MFSD2A: variants seen among roughly 807,000 people sequenced by gnomAD.
MFSD2A encodes the protein sodium-dependent lysophosphatidylcholine symporter 1.
A neutral mutation model predicts 64.7 loss-of-function variants in MFSD2A; 27 were observed. That is an observed-to-expected ratio of 0.42 (90% CI 0.31 to 0.58). MFSD2A has a LOEUF of 0.58. Ranked by LOEUF, MFSD2A falls within the 20% of genes least tolerant of loss-of-function variation. The probability of loss-of-function intolerance (pLI) is 0.18; values close to 1 mark genes in which losing one functional copy is unlikely to be tolerated. For synonymous variants in MFSD2A, 258 were observed against 273.4 expected (o/e 0.94, Z 0.55); for missense variants, 474 against 679.5 (o/e 0.70, Z 3.36).
Position 39,955,430 on chromosome 1 carries a change from G to GT in MFSD2A, c.93+45_93+46insT. 1 of 1,498,020 alleles carries GT rather than the reference G, an allele frequency of 6.7e-7. No individual in the cohort carries two copies. Among genetic ancestry groups the GT allele is most frequent in the Admixed American group, 2.3e-5 (1 of 43,606 alleles). 92.8% of individuals were successfully genotyped at this position (1,498,020 alleles called of 1,614,324 possible). A position where few individuals can be genotyped will look rare whatever the true frequency, so the allele number is the denominator to read the frequency against. The stretch of plus-strand genomic sequence containing the variant: ...CGTGGAGGGCGAGGGGAGGGAGGAG[G>GT]CGGAAATGGGGGATCAGGGGCGTCC... On this transcript the variant is annotated intron_variant, in intron 1 of 13. Transcript: ENST00000372811. This position sits in a 1 kb window ranked among gnomAD's most constrained non-coding sequence, Gnocchi z 5.9.
At position 39,965,042 on chromosome 1, in the gene MFSD2A, T is replaced by C. The variant is rs764362828; in HGVS notation, c.354-169T>C. On this transcript the variant is annotated intron_variant, in intron 3 of 13. Coordinates refer to ENST00000372811, the MANE Select transcript of MFSD2A (RefSeq NM_032793.5). This position sits in a 1 kb window ranked among gnomAD's most constrained non-coding sequence, Gnocchi z 5.5. ...CCATCTGCCATTCCGGGCTTGGTCA[T>C]CAGCCTCTTCCCAGAGGCCCAGGAT... 2.5e-5 allele frequency: 22 copies of C among 880,548 alleles called. No homozygotes were observed. Among genetic ancestry groups the C allele is most frequent in the Non-Finnish European group, 3.6e-5 (21 of 590,916 alleles). 54.5% of individuals were successfully genotyped at this position (880,548 alleles called of 1,614,324 possible). A position where few individuals can be genotyped will look rare whatever the true frequency, so the allele number is the denominator to read the frequency against.
At position 39,963,438 on chromosome 1, in the gene MFSD2A, C is replaced by G. The variant is rs1570249100; in HGVS notation, c.354-1773C>G. On this transcript the variant is annotated intron_variant, in intron 3 of 13. Transcript: ENST00000372811. The surrounding 1 kb of genome is among the most constrained non-coding windows in gnomAD (Gnocchi z 4.2). Reference sequence around the variant, plus strand: ...TACAAGAGAAGTAAAGTGAATTAAGCCTGTTAAAAAAAAAATGTTTACGAG... The same window carrying G: ...TACAAGAGAAGTAAAGTGAATTAAGGCTGTTAAAAAAAAAATGTTTACGAG... The G allele has an allele frequency of 3.0e-5, 17 of 562,250 alleles. 1 individual carries two copies. The South Asian group carries it at 4.3e-4, about 14-fold the overall frequency. 34.8% of individuals were successfully genotyped at this position (562,250 alleles called of 1,614,324 possible). A position where few individuals can be genotyped will look rare whatever the true frequency, so the allele number is the denominator to read the frequency against.
Position 39,967,393 on chromosome 1 carries a change from G to A in MFSD2A, c.1011+224G>A, listed in dbSNP as rs1427200365. ...GTGAGCACAGCAAAAGCAAGGGCGA[G>A]GACACCAGGAACTTGGCTCAGAGGT... On this transcript the variant is annotated intron_variant, in intron 9 of 13. Transcript: ENST00000372811. 4.8e-6 allele frequency: 3 copies of A among 625,610 alleles called. No individual in the cohort carries two copies. In the East Asian group the frequency reaches 8.2e-5, roughly 17 times the overall value. The allele number at this position is 625,610 out of a possible 1,614,324, so 38.8% of individuals were successfully genotyped here.
Position 39,965,431 on chromosome 1 carries a change from C to T in MFSD2A, c.478-40C>T, listed in dbSNP as rs754713164. 11 of 1,613,222 alleles carry T rather than the reference C, an allele frequency of 6.8e-6. No homozygotes were observed. In the East Asian group the frequency reaches 2.5e-4, roughly 36 times the overall value. On this transcript the variant is annotated intron_variant, in intron 4 of 13. Coordinates refer to ENST00000372811, the MANE Select transcript of MFSD2A (RefSeq NM_032793.5). This position sits in a 1 kb window ranked among gnomAD's most constrained non-coding sequence, Gnocchi z 5.5. ...GGTACTGGAAGCTACATCAGTGTGT[C>T]CACCCGCCTGACCAGCCAATGACCT...
At chr1:39,956,915 CAAAAAAAAAAAAAA>C (rs34385828) in intron 1 of MFSD2A, among the ~76,000 whole-genome samples, 158 bp from the exon 2 acceptor site, 10 of 35,348 alleles carry the variant, frequency 2.8e-4, no homozygotes, top group African/African-American at 9.6e-4. Flanking sequence ...GACTCTGTCT[CAAAAAAAAAAAAAA>C]AAAAAAAAAA....
In MFSD2A at chr1:39,964,837, A is replaced by C. The variant is rs577121703; in HGVS notation, c.354-374A>C. The C allele has an allele frequency of 3.7e-6, 1 of 268,334 alleles. No homozygotes were observed. Among genetic ancestry groups the C allele is most frequent in the South Asian group, 5.1e-5 (1 of 19,544 alleles). The allele number at this position is 268,334 out of a possible 1,614,324, so 16.6% of individuals were successfully genotyped here. On this transcript the variant is annotated intron_variant, in intron 3 of 13. Coordinates refer to ENST00000372811, the MANE Select transcript of MFSD2A (RefSeq NM_032793.5). This position sits in a 1 kb window ranked among gnomAD's most constrained non-coding sequence, Gnocchi z 4.1. The stretch of plus-strand genomic sequence containing the variant: ...ATGGGGTGTGTGTGTGCGGTTGATG[A>C]CTATCCGTGTGAGAACACGGGAGTT...
At position 39,963,298 on chromosome 1, in the gene MFSD2A, T is replaced by C. The variant is rs756108113; in HGVS notation, c.354-1913T>C. The C allele has an allele frequency of 4.4e-6, 6 of 1,352,860 alleles. No individual in the cohort carries two copies. The highest frequency in any genetic ancestry group is 1.7e-5 in the Admixed American group (1 of 57,294). 83.8% of individuals were successfully genotyped at this position (1,352,860 alleles called of 1,614,324 possible). ...GCCATCTCTAAGACCTACAGCTACC[T>C]GACCCCCGACCTCTGGAAGGAGACT... On this transcript the variant is annotated intron_variant, in intron 3 of 13. Coordinates refer to ENST00000372811, the MANE Select transcript of MFSD2A (RefSeq NM_032793.5). The surrounding 1 kb of genome is among the most constrained non-coding windows in gnomAD (Gnocchi z 4.2).
rs1387567654 is a variant in MFSD2A, at chr1:39,964,899, C to G, written c.354-312C>G. On this transcript the variant is annotated intron_variant, in intron 3 of 13. Transcript: ENST00000372811. The surrounding 1 kb of genome is among the most constrained non-coding windows in gnomAD (Gnocchi z 4.1). ...TTCTCTTTGCCTCCTTGCCCAGGCA[C>G]CTGAGGTCTTGGACTCCTGTCCTAA... The G allele has an allele frequency of 2.6e-6, 1 of 382,456 alleles. No individual in the cohort carries two copies. Among genetic ancestry groups the G allele is most frequent in the Admixed American group, 4.1e-5 (1 of 24,318 alleles). 23.7% of individuals were successfully genotyped at this position (382,456 alleles called of 1,614,324 possible).
At chr1:39,961,671 C>CA (rs1221669273) in intron 3 of MFSD2A, among the ~76,000 whole-genome samples, 6 of 150,766 alleles carry the variant, frequency 4.0e-5, no homozygotes, top group Non-Finnish European at 7.4e-5. Context: ...TGATTAAAAA[C>CA]AAAAAACAAA....
At chr1:39,961,589 T>C (rs367594584) in intron 3 of MFSD2A, among the ~76,000 whole-genome samples, 17 of 151,736 alleles carry the variant, frequency 1.1e-4, no homozygotes, top group African/African-American at 3.6e-4. Context: ...CCTTGTGATC[T>C]GCCCGCCTCG....
Position 39,963,127 on chromosome 1 carries a change from G to A in MFSD2A, c.354-2084G>A, listed in dbSNP as rs974818131. 2.3e-5 allele frequency: 31 copies of A among 1,367,040 alleles called. No individual in the cohort carries two copies. The highest frequency in any genetic ancestry group is 2.1e-4 in the East Asian group (9 of 41,930). 84.7% of individuals were successfully genotyped at this position (1,367,040 alleles called of 1,614,324 possible). On this transcript the variant is annotated intron_variant, in intron 3 of 13. Transcript: ENST00000372811. This position sits in a 1 kb window ranked among gnomAD's most constrained non-coding sequence, Gnocchi z 4.2. ...GGCCGCTGCGGCTCTGTGCTGGTGC[G>A]TCTCATCCCTGCACCCAGGAGCACT...
Position 39,967,719 on chromosome 1 carries a change from G to T in MFSD2A, c.1095+8G>T. 1 of 1,613,926 alleles carries T rather than the reference G, an allele frequency of 6.2e-7. No individual in the cohort carries two copies. Among genetic ancestry groups the T allele is most frequent in the South Asian group, 1.1e-5 (1 of 91,080 alleles). ...GTATATGTTGGGATCTCAGTGAGTG[G>T]GGTTGAAGAGCAGAGCCTGGGTTGA... On this transcript the variant is annotated splice_region_variant and intron_variant, in intron 10 of 13. Coordinates refer to ENST00000372811, the MANE Select transcript of MFSD2A (RefSeq NM_032793.5).
chr1:39,956,761 A>G (rs1408305494), intron 1 of MFSD2A, among the ~76,000 whole-genome samples: 1 of 151,818 alleles, frequency 6.6e-6, no homozygotes, highest in Non-Finnish European at 1.5e-5. Flanking sequence ...CTTAAAATAC[A>G]AAAAATTAGC....
Position 39,966,034 on chromosome 1 carries a change from A to G in MFSD2A, c.714+20A>G, listed in dbSNP as rs201754901. ...GAAACGGTGAGGCCCTGGGCAGGGC[A>G]GGGATTTGGGGAGATAAGGAACAGT... On this transcript the variant is annotated intron_variant, in intron 6 of 13. Coordinates refer to ENST00000372811, the MANE Select transcript of MFSD2A (RefSeq NM_032793.5). 285 of 1,613,698 alleles carry G rather than the reference A, an allele frequency of 1.8e-4. No homozygotes were observed. The highest frequency in any genetic ancestry group is 7.6e-5 in the Non-Finnish European group (90 of 1,179,656).
chr1:39,962,543 C>G lies in MFSD2A; in HGVS notation c.354-2668C>G, dbSNP rs1403599884. 3 of 591,600 alleles carry G rather than the reference C, an allele frequency of 5.1e-6. No homozygotes were observed. The East Asian group carries it at 8.5e-5, about 17-fold the overall frequency. The allele number at this position is 591,600 out of a possible 1,614,324, so 36.6% of individuals were successfully genotyped here. ...TACGAGCTTCTTCTCCGAGAAAACA[C>G]CAAATGGCGGATGACACTGGTGCAG... On this transcript the variant is annotated intron_variant, in intron 3 of 13. Coordinates refer to ENST00000372811, the MANE Select transcript of MFSD2A (RefSeq NM_032793.5).
chr1:39,955,836 A>G lies in MFSD2A; in HGVS notation c.93+451A>G, dbSNP rs1302262216. The G allele has an allele frequency of 1.3e-5, 4 of 319,392 alleles. No individual in the cohort carries two copies. Among genetic ancestry groups the G allele is most frequent in the East Asian group, 1.1e-4 (1 of 9,492 alleles). The allele number at this position is 319,392 out of a possible 1,614,324, so 19.8% of individuals were successfully genotyped here. A position where few individuals can be genotyped will look rare whatever the true frequency, so the allele number is the denominator to read the frequency against. On this transcript the variant is annotated intron_variant, in intron 1 of 13. Coordinates refer to ENST00000372811, the MANE Select transcript of MFSD2A (RefSeq NM_032793.5). This position sits in a 1 kb window ranked among gnomAD's most constrained non-coding sequence, Gnocchi z 5.9. ...CCGCTCAAGTTCATTCATAAGAACA[A>G]GAGCTCTGCTCTTAAAGGAGCCGCG...
intron 11 of MFSD2A, 25 bp downstream of exon 11, chr1:39,967,941 T>G: frequency 6.8e-7 from 1 of 1,461,080 alleles, no homozygotes; most frequent in Non-Finnish European, 9.5e-7. Flanking sequence ...GCCCCCCTCC[T>G]CGGGTATCTC....
chr1:39,957,108 C>A lies in MFSD2A; in HGVS notation c.115C>A (p.Gln39Lys). 1 of 1,614,006 alleles carries A rather than the reference C, an allele frequency of 6.2e-7. No individual in the cohort carries two copies. The highest frequency in any genetic ancestry group is 1.3e-5 in the African/African-American group (1 of 74,982). Residue 39 changes from glutamine to lysine, a missense_variant, in exon 2 of 14, where the codon CAA becomes AAA. Physicochemically the swap from Gln to Lys is moderately conservative, Grantham distance 53. Coordinates refer to ENST00000372811, the MANE Select transcript of MFSD2A (RefSeq NM_032793.5). ...QVKKEPKKKKQQLSVCNKLCY... is the reference protein window; with the variant it reads ...QVKKEPKKKKKQLSVCNKLCY... ...CCAGAAAGAACCGAAAAAGAAGAAA[C>A]AACAGTTGTCTGTTTGCAACAAGCT... is the stretch of plus-strand genomic sequence containing the variant.
Position 39,955,184 on chromosome 1 carries a change from G to A in MFSD2A, c.-109G>A, listed in dbSNP as rs1033567039. 2 of 889,210 alleles carry A rather than the reference G, an allele frequency of 2.2e-6. No homozygotes were observed. The highest frequency in any genetic ancestry group is 1.7e-5 in the African/African-American group (1 of 57,396). The allele number at this position is 889,210 out of a possible 1,614,324, so 55.1% of individuals were successfully genotyped here. ...GTCTGCCAGCCGGCTTGGCTAGCGCGCGGCGGCCGTGGCTAAGGCTGCTAC... is the reference window on the plus strand; with the variant it reads ...GTCTGCCAGCCGGCTTGGCTAGCGCACGGCGGCCGTGGCTAAGGCTGCTAC... On this transcript the variant is annotated 5_prime_UTR_variant, in exon 1 of 14. Transcript: ENST00000372811. The surrounding 1 kb of genome is among the most constrained non-coding windows in gnomAD (Gnocchi z 5.9).
Sources: gnomAD v4.1 joint callset for allele counts (sites outside exome capture counted in the v4.1 genomes callset) on GRCh38, gnomAD v4.1.1 for gene constraint, Gnocchi (gnomAD v3.1) non-coding constraint, MANE v1.5 for transcripts, NCBI Gene and HGNC (gene_info 2026-07-23, HGNC 2026-07-21) for gene names.